The following THBS4 variants were observed in gnomAD, a reference collection of about 807,000 sequenced individuals.
THBS4 encodes thrombospondin 4.
In THBS4, 90 loss-of-function variants were observed where a neutral mutation model predicts 115.7. That is an observed-to-expected ratio of 0.78 (90% CI 0.66 to 0.93). The LOEUF is 0.93. Among genes scored for constraint, THBS4 ranks in the 40% least tolerant of loss-of-function variants. The pLI, the probability that THBS4 is intolerant of heterozygous loss-of-function variation, is 0.00. For synonymous variants in THBS4, 460 were observed against 479.3 expected (o/e 0.96, Z 0.53); for missense variants, 1,087 against 1,232.7 (o/e 0.88, Z 1.77).
chr5:80,002,488 C>T (rs571287914), intron 2 of THBS4, among the ~76,000 whole-genome samples: 2 of 124,616 alleles, frequency 1.6e-5, no homozygotes, highest in South Asian at 2.8e-4. Flanking sequence ...CATGCTGCCT[C>T]GGAAAAGCTG....
rs1004948507 is a variant in THBS4, at chr5:80,065,797, T to C, written c.1194+320T>C. Among the ~76,000 whole-genome samples the C allele has an allele frequency of 2.0e-5, 3 of 152,222 alleles. No individual in the cohort carries two copies. The South Asian group carries it at 6.2e-4, about 31-fold the overall frequency. ...AAATTGTGAAGAGCTTGGTAGTTTA[T>C]ATTAATAGTTCAGTATTTTACTGGT... On this transcript the variant is annotated intron_variant, in intron 9 of 21. Transcript: ENST00000350881.
In THBS4 at chr5:80,035,647, C is replaced by T; in HGVS notation, c.88+22C>T. 7.6e-7 allele frequency: 1 copy of T among 1,315,372 alleles called. No individual in the cohort carries two copies. Among genetic ancestry groups the T allele is most frequent in the East Asian group, 3.1e-5 (1 of 32,342 alleles). The allele number at this position is 1,315,372 out of a possible 1,614,324, so 81.5% of individuals were successfully genotyped here. A position where few individuals can be genotyped will look rare whatever the true frequency, so the allele number is the denominator to read the frequency against. ...CAGGGTAAGTGGGTTCGGGTCGGGC[C>T]TGGGAGCGCCGGGCACCGGGTGCCC... On this transcript the variant is annotated intron_variant, in intron 1 of 21. Transcript: ENST00000350881. This position sits in a 1 kb window ranked among gnomAD's most constrained non-coding sequence, Gnocchi z 4.6.
intron 13 of THBS4, chr5:80,072,076 C>T (rs1380360164): frequency 4.0e-5 from 23 of 579,842 alleles, no homozygotes; most frequent in South Asian, 1.0e-4. Context: ...AGAATTCAGT[C>T]GATAAATACC....
Position 80,083,143 on chromosome 5 carries a change from C to G in THBS4, c.*2C>G. 6.2e-7 allele frequency: 1 copy of G among 1,611,530 alleles called. No individual in the cohort carries two copies. Among genetic ancestry groups the G allele is most frequent in the Non-Finnish European group, 8.5e-7 (1 of 1,177,612 alleles). ...AATTTCGACCGCTTCGATAATTAAACCAAGGAAGCAATCTGTAACTGCTTT... is the reference window on the plus strand; with the variant it reads ...AATTTCGACCGCTTCGATAATTAAAGCAAGGAAGCAATCTGTAACTGCTTT... On this transcript the variant is annotated 3_prime_UTR_variant, in exon 22 of 22. Coordinates refer to ENST00000350881, the MANE Select transcript of THBS4 (RefSeq NM_003248.6).
chr5:80,065,286 A>C (rs1580969257), intron 8 of THBS4, 123 bp from the exon 9 acceptor site: 7 of 765,860 alleles, frequency 9.1e-6, no homozygotes, highest in South Asian at 7.0e-5. Context: ...CCCTCAGATT[A>C]CCATTCTACC....
chr5:79,992,907 C>T (rs1364811946), intron 1 of THBS4, among the ~76,000 whole-genome samples: 1 of 152,208 alleles, frequency 6.6e-6, no homozygotes, highest in Non-Finnish European at 1.5e-5. Context: ...TGGAACCTCC[C>T]TGTTTTGAGG....
chr5:80,070,987 A>C (rs1205686403), intron 12 of THBS4, 34 bp from the exon 13 acceptor site: 6 of 1,606,894 alleles, frequency 3.7e-6, no homozygotes, highest in Non-Finnish European at 5.1e-6. Context: ...ATTTAGTAAA[A>C]GTCTGAGTGA....
intron 2 of THBS4, among the ~76,000 whole-genome samples, chr5:80,043,394 T>A (rs1180073378): frequency 6.6e-6 from 1 of 152,174 alleles, no homozygotes; most frequent in African/African-American, 2.4e-5. Context: ...CTTGACATAA[T>A]TCTCCCCACA....
chr5:80,025,688 C>G (rs1280910351), intron 2 of THBS4, among the ~76,000 whole-genome samples: 1 of 152,168 alleles, frequency 6.6e-6, no homozygotes, highest in Non-Finnish European at 1.5e-5. Flanking sequence ...GCTCAAAACC[C>G]CTGGATGTGA....
At chr5:80,080,632 G>A (rs965277306) in intron 20 of THBS4, among the ~76,000 whole-genome samples, 1 of 131,578 alleles carries the variant, frequency 7.6e-6, no homozygotes, top group Non-Finnish European at 1.5e-5. Flanking sequence ...CTGTTGCCAG[G>A]CAGGAGTACT....
intron 2 of THBS4, among the ~76,000 whole-genome samples, chr5:80,054,289 G>A (rs1332625975): frequency 1.3e-5 from 2 of 148,438 alleles, no homozygotes; most frequent in Non-Finnish European, 1.5e-5. Flanking sequence ...AAGTAGCTGG[G>A]ACTACAAGTA....
chr5:80,015,931 A>G (rs1290813643), intron 2 of THBS4, among the ~76,000 whole-genome samples: 2 of 152,258 alleles, frequency 1.3e-5, no homozygotes, highest in African/African-American at 4.8e-5. Flanking sequence ...CCAATTTAAC[A>G]GAAAGTTGCT....
chr5:80,013,512 A>G (rs1418164427), intron 2 of THBS4, among the ~76,000 whole-genome samples: 1 of 152,074 alleles, frequency 6.6e-6, no homozygotes, highest in East Asian at 1.9e-4. Context: ...GAATAAAGTG[A>G]TATCTCCATG....
At chr5:80,033,212 G>A (rs1424176911), upstream of THBS4, 6 of 453,552 alleles carry the variant, frequency 1.3e-5, no homozygotes, top group South Asian at 3.5e-5. Context: ...GGGATCCTGC[G>A]GCTGATGGGG....
rs563822185 is a variant in THBS4, at chr5:80,070,155, A to G, written c.1348-151A>G. 126 of 595,192 alleles carry G rather than the reference A, an allele frequency of 2.1e-4. No homozygotes were observed. The African/African-American group carries it at 2.1e-3, about 10-fold the overall frequency. The allele number at this position is 595,192 out of a possible 1,614,324, so 36.9% of individuals were successfully genotyped here. A position where few individuals can be genotyped will look rare whatever the true frequency, so the allele number is the denominator to read the frequency against. On this transcript the variant is annotated intron_variant, in intron 10 of 21. Coordinates refer to ENST00000350881, the MANE Select transcript of THBS4 (RefSeq NM_003248.6). Reference sequence around the variant, plus strand: ...GTGAACCATTACACTATTCAAGTGCAATTAAATAGTTTCTAAGCCCCACCC... The same window carrying G: ...GTGAACCATTACACTATTCAAGTGCGATTAAATAGTTTCTAAGCCCCACCC...
intron 2 of THBS4, among the ~76,000 whole-genome samples, chr5:80,021,216 T>A (rs190010754): frequency 1.1e-3 from 163 of 152,260 alleles, no homozygotes; most frequent in African/African-American, 3.8e-3. Context: ...CACGAAGTTC[T>A]CCCTCCAACT....
intron 2 of THBS4, among the ~76,000 whole-genome samples, chr5:80,045,834 T>A (rs1833050217): frequency 6.6e-6 from 1 of 152,156 alleles, no homozygotes; most frequent in East Asian, 1.9e-4. Flanking sequence ...CCCGGCCCTA[T>A]GGAGTCTTTT....
chr5:80,036,141 T>G (rs1832712319), intron 1 of THBS4: 2 of 985,482 alleles, frequency 2.0e-6, no homozygotes, highest in South Asian at 9.4e-5. Flanking sequence ...AAAAGAAAGT[T>G]TATTTCAAGG....
At chr5:80,032,362 T>C (rs1397851223), upstream of THBS4, among the ~76,000 whole-genome samples, 1 of 152,170 alleles carries the variant, frequency 6.6e-6, no homozygotes, top group East Asian at 1.9e-4. Context: ...CACTTAGTAG[T>C]CAACCAAAAT....
Sources: gnomAD v4.1 joint callset for allele counts (sites outside exome capture counted in the v4.1 genomes callset) on GRCh38, gnomAD v4.1.1 for gene constraint, Gnocchi (gnomAD v3.1) non-coding constraint, MANE v1.5 for transcripts, NCBI Gene and HGNC (gene_info 2026-07-23, HGNC 2026-07-21) for gene names.